Variants in COL26A1 observed in about 807,000 individuals in gnomAD.
COL26A1 encodes the protein collagen type XXVI alpha 1 chain.
A neutral mutation model predicts 59.3 loss-of-function variants in COL26A1; 41 were observed. The ratio of observed to expected loss-of-function variants is 0.69; its 90% CI spans 0.54 to 0.90. The LOEUF (loss-of-function observed/expected upper bound fraction) is 0.90. COL26A1 is among the 40% of genes least tolerant of loss of function. The pLI is 0.00. For missense variants in COL26A1, 612 were observed against 602.3 expected (o/e 1.02, Z -0.17); for synonymous variants, 266 against 256.0 (o/e 1.04, Z -0.37).
intron 1 of COL26A1, among the ~76,000 whole-genome samples, chr7:101,377,294 C>T (rs1791340975): frequency 6.7e-6 from 1 of 150,002 alleles, no homozygotes; most frequent in Non-Finnish European, 1.5e-5. Context: ...AGGCATGAGT[C>T]ACTGTGCCCG....
At chr7:101,507,565 G>C (rs550139851) in intron 3 of COL26A1, among the ~76,000 whole-genome samples, 2 of 151,976 alleles carry the variant, frequency 1.3e-5, no homozygotes, top group East Asian at 3.9e-4. Flanking sequence ...GGGACCACAG[G>C]CACACGCCAC....
chr7:101,416,750 G>GT (rs1792377966), intron 1 of COL26A1, among the ~76,000 whole-genome samples: 1 of 142,562 alleles, frequency 7.0e-6, no homozygotes, highest in African/African-American at 2.5e-5. Context: ...TTTTTTTTGT[G>GT]TGTGTATGTC....
At chr7:101,537,813 G>A (rs557614756) in intron 4 of COL26A1, among the ~76,000 whole-genome samples, 2 of 151,920 alleles carry the variant, frequency 1.3e-5, no homozygotes, top group Non-Finnish European at 2.9e-5. Context: ...CTCCACCCTA[G>A]CCTCCCCACA....
At chr7:101,413,633 G>A (rs139143397) in intron 1 of COL26A1, among the ~76,000 whole-genome samples, 24 of 152,316 alleles carry the variant, frequency 1.6e-4, no homozygotes, top group African/African-American at 5.3e-4. Flanking sequence ...TGCTAGGAGT[G>A]AGTTTACTGT....
In COL26A1 at chr7:101,489,664, C is replaced by CTTT. The variant is rs1563007363; in HGVS notation, c.385+41877_385+41878insTTT. ...TTCTTTCTTTCTTTCTTTCTTTCTTCCTTCCTTCCTTCCTTCCTTTCTTTC... is the reference window on the plus strand; with the variant it reads ...TTCTTTCTTTCTTTCTTTCTTTCTTCTTTCTTCCTTCCTTCCTTCCTTTCTTTC... On this transcript the variant is annotated intron_variant, in intron 3 of 12. Transcript: ENST00000313669. Among the ~76,000 whole-genome samples the CTTT allele has an allele frequency of 8.2e-3, 186 of 22,630 alleles. 20 individuals carry two copies. Among genetic ancestry groups the CTTT allele is most frequent in the African/African-American group, 0.028 (87 of 3,054 alleles). 14.8% of individuals were successfully genotyped at this position (22,630 alleles called of 152,430 possible).
In COL26A1 at chr7:101,509,048, C is replaced by T. The variant is rs184365930; in HGVS notation, c.386-24034C>T. Among the ~76,000 whole-genome samples the T allele has an allele frequency of 2.0e-5, 3 of 152,228 alleles. No homozygotes were observed. The East Asian group carries it at 5.8e-4, about 29-fold the overall frequency. On this transcript the variant is annotated intron_variant, in intron 3 of 12. Coordinates refer to ENST00000313669, the MANE Select transcript of COL26A1 (RefSeq NM_001278563.3). ...GCATTTGCTCAGCTTCTGGTGAGGC[C>T]TCAGGAAGCGTTTACTAGTGGCAGA...
chr7:101,450,135 A>AAAAG (rs1326656270), intron 3 of COL26A1, among the ~76,000 whole-genome samples: 1 of 151,894 alleles, frequency 6.6e-6, no homozygotes, highest in Non-Finnish European at 1.5e-5. Flanking sequence ...AAAAAAAAAA[A>AAAAG]AAAAGATACA....
upstream of COL26A1, among the ~76,000 whole-genome samples, chr7:101,362,631 C>G (rs1194381435): frequency 1.3e-5 from 2 of 152,172 alleles, no homozygotes; most frequent in South Asian, 4.1e-4. Flanking sequence ...AAAGCATTCG[C>G]GGACCCGAAG....
intron 1 of COL26A1, among the ~76,000 whole-genome samples, chr7:101,382,982 C>T (rs1791482338): frequency 6.6e-6 from 1 of 152,160 alleles, no homozygotes; most frequent in Non-Finnish European, 1.5e-5. Context: ...GCAGAGGTTG[C>T]AGTGAGCTGA....
chr7:101,378,795 C>T (rs371594036), intron 1 of COL26A1, among the ~76,000 whole-genome samples: 7 of 152,060 alleles, frequency 4.6e-5, no homozygotes, highest in East Asian at 1.9e-4. Flanking sequence ...GGCATTTGTC[C>T]GAGAATCTCC....
intron 1 of COL26A1, among the ~76,000 whole-genome samples, chr7:101,411,569 T>A (rs1792241869): frequency 6.6e-6 from 1 of 152,006 alleles, no homozygotes; most frequent in South Asian, 2.1e-4. Context: ...GATTTGCTCC[T>A]GGTAAGGAAA....
At chr7:101,428,787 C>CATG (rs1792707773) in intron 2 of COL26A1, among the ~76,000 whole-genome samples, 1 of 152,044 alleles carries the variant, frequency 6.6e-6, no homozygotes, top group Admixed American at 6.6e-5. Flanking sequence ...AGATTACAGG[C>CATG]ATGAGCCACC....
At chr7:101,481,747 G>A (rs1368616711) in intron 3 of COL26A1, among the ~76,000 whole-genome samples, 2 of 151,716 alleles carry the variant, frequency 1.3e-5, no homozygotes, top group Non-Finnish European at 2.9e-5. Context: ...CACCCCACCC[G>A]GCCAATTTTT....
In COL26A1 at chr7:101,363,048, C is replaced by T. The variant is rs1338772284; in HGVS notation, c.16C>T (p.Leu6Phe). The change falls in exon 1 of 13, where the codon CTC becomes TTC. Residue 6 changes from leucine to phenylalanine, a missense_variant. Leu to Phe is a conservative substitution (Grantham distance 22, BLOSUM62 0). Coordinates refer to ENST00000313669, the MANE Select transcript of COL26A1 (RefSeq NM_001278563.3). MKLAL[L>F]LPWACCCLCG... ...GCTGCGCACGATGAAGCTGGCCCTG[C>T]TCCTGCCCTGGGCGTGTTGCTGCCT... The T allele has an allele frequency of 6.3e-7, 1 of 1,581,508 alleles. No individual in the cohort carries two copies.
intron 3 of COL26A1, among the ~76,000 whole-genome samples, chr7:101,526,898 T>G (rs1028009793): frequency 6.6e-6 from 1 of 152,128 alleles, no homozygotes; most frequent in Admixed American, 6.5e-5. Context: ...ACACGGTGAG[T>G]TCCTGGCCAA....
chr7:101,538,595 G>A (rs758192919), intron 4 of COL26A1, among the ~76,000 whole-genome samples: 60 of 152,338 alleles, frequency 3.9e-4, no homozygotes, highest in Non-Finnish European at 7.4e-4. Context: ...CCCTGGGCCA[G>A]GCATCCAGGC....
intron 1 of COL26A1, among the ~76,000 whole-genome samples, chr7:101,409,316 C>A (rs1215867869): frequency 6.6e-6 from 1 of 152,158 alleles, no homozygotes; most frequent in East Asian, 1.9e-4. Flanking sequence ...CTCTGATTAT[C>A]CACCTGTTCT....
intron 3 of COL26A1, among the ~76,000 whole-genome samples, chr7:101,515,082 C>T (rs1245306828): frequency 2.0e-5 from 3 of 152,220 alleles, no homozygotes; most frequent in Admixed American, 6.5e-5. Context: ...GCCCTGCCCA[C>T]GGGGCAGGAG....
chr7:101,406,564 A>AC (rs1285518291), intron 1 of COL26A1, among the ~76,000 whole-genome samples: 2 of 151,912 alleles, frequency 1.3e-5, no homozygotes, highest in African/African-American at 2.4e-5. Flanking sequence ...CTGTCCATTT[A>AC]CCCCCACTGG....
Sources: allele counts gnomAD v4.1 joint callset (sites outside exome capture counted in the v4.1 genomes callset), GRCh38; gene constraint gnomAD v4.1.1; transcripts MANE v1.5; gene names NCBI Gene and HGNC (gene_info 2026-07-23, HGNC 2026-07-21).